Variants in FHIT observed in about 807,000 individuals in gnomAD.
FHIT encodes the protein fragile histidine triad diadenosine triphosphatase.
Under a neutral mutation model 17.9 loss-of-function variants are expected in FHIT, and 19 were observed. The ratio of observed to expected loss-of-function variants is 1.06; its 90% CI spans 0.74 to 1.56. The LOEUF is 1.56. FHIT is among the 40% of genes most tolerant of loss of function. FHIT has a pLI of 0.00. For missense variants in FHIT, 248 were observed against 189.2 expected, an observed-to-expected ratio of 1.31 and a Z score of -1.82; for synonymous variants, 81 against 69.7, an observed-to-expected ratio of 1.16 and a Z score of -0.81.
intron 8 of FHIT, among the ~76,000 whole-genome samples, chr3:59,783,455 G>T (rs527875217): frequency 6.6e-6 from 1 of 152,126 alleles, no homozygotes; most frequent in African/African-American, 2.4e-5. Flanking sequence ...GTGACAGAGC[G>T]AGACTTGATC....
chr3:60,352,030 T>A (rs940671307), intron 5 of FHIT, among the ~76,000 whole-genome samples: 1 of 152,326 alleles, frequency 6.6e-6, no homozygotes, highest in South Asian at 2.1e-4. Context: ...CCGGTGACTG[T>A]CTTATCCACT....
intron 4 of FHIT, among the ~76,000 whole-genome samples, chr3:60,716,070 T>G (rs2041675808): frequency 6.6e-6 from 1 of 152,086 alleles, no homozygotes. Context: ...TGCAAAACCC[T>G]GTCTTTACTA....
At chr3:60,485,439 G>A (rs2033796132) in intron 5 of FHIT, among the ~76,000 whole-genome samples, 1 of 152,166 alleles carries the variant, frequency 6.6e-6, no homozygotes, top group Admixed American at 6.6e-5. Context: ...TAAAGAAAAC[G>A]TGGTGCATAT....
chr3:60,994,787 C>T (rs2030530551), intron 3 of FHIT, among the ~76,000 whole-genome samples: 1 of 152,068 alleles, frequency 6.6e-6, no homozygotes, highest in Non-Finnish European at 1.5e-5. Flanking sequence ...GGTGAGAAAA[C>T]ACTAAAACCA....
At chr3:59,981,228 T>C (rs1708640176) in intron 7 of FHIT, among the ~76,000 whole-genome samples, 1 of 152,208 alleles carries the variant, frequency 6.6e-6, no homozygotes, top group South Asian at 2.1e-4. Flanking sequence ...AGATTATTCC[T>C]GAATCCAGAC....
chr3:60,747,249 C>T (rs2042377616), intron 4 of FHIT, among the ~76,000 whole-genome samples: 2 of 152,142 alleles, frequency 1.3e-5, no homozygotes, highest in East Asian at 1.9e-4. Flanking sequence ...TAATTCCTGC[C>T]ATTCCTCGGA....
rs531256660 is a variant in FHIT, at chr3:60,707,128, C to G, written c.-18+114791G>C. The stretch of plus-strand genomic sequence containing the variant: ...TCTGTAGGCATGACTGGCACCTCTG[C>G]GGTAAGTGGCAGGGAATGGAATAGG... On this transcript the variant is annotated intron_variant, in intron 4 of 9. Transcript: ENST00000492590. Among the ~76,000 whole-genome samples, 49 of 152,234 alleles carry G rather than the reference C, an allele frequency of 3.2e-4. No individual in the cohort carries two copies. In the East Asian group the frequency reaches 8.1e-3, roughly 25 times the overall value.
intron 5 of FHIT, among the ~76,000 whole-genome samples, chr3:60,157,865 C>A (rs1282448725): frequency 6.6e-6 from 1 of 152,026 alleles, no homozygotes; most frequent in Non-Finnish European, 1.5e-5. Context: ...CCCAGATCTT[C>A]TGAGCTTTTT....
At chr3:60,973,484 A>C (rs1710111409) in intron 3 of FHIT, among the ~76,000 whole-genome samples, 1 of 152,138 alleles carries the variant, frequency 6.6e-6, no homozygotes, top group Non-Finnish European at 1.5e-5. Context: ...TGTTGAACTT[A>C]CATCTCTGTG....
At chr3:60,856,505 G>A (rs1389541020) in intron 3 of FHIT, 4 of 152,146 alleles carry the variant, frequency 2.6e-5, no homozygotes, top group Admixed American at 2.6e-4. Context: ...GTGCTCGGGA[G>A]AGAACATTGC....
At chr3:60,859,291 T>C (rs782207688) in intron 3 of FHIT, among the ~76,000 whole-genome samples, 1 of 152,310 alleles carries the variant, frequency 6.6e-6, no homozygotes, top group Non-Finnish European at 1.5e-5. Flanking sequence ...GTCTCAGCTA[T>C]ATCAGGTAAA....
chr3:60,935,667 T>TCTC (rs1249548358), intron 3 of FHIT, among the ~76,000 whole-genome samples: 5 of 152,202 alleles, frequency 3.3e-5, no homozygotes, highest in South Asian at 2.1e-4. Flanking sequence ...CTCTTCTGAC[T>TCTC]CTAAGAAACT....
Position 60,799,263 on chromosome 3 carries a change from C to T in FHIT, c.-18+22656G>A, listed in dbSNP as rs142669211. Among the ~76,000 whole-genome samples, 239 of 152,280 alleles carry T rather than the reference C, an allele frequency of 1.6e-3. 2 individuals are homozygous for T. The highest frequency in any genetic ancestry group is 5.5e-3 in the African/African-American group (229 of 41,550). ...AATCTCGGCTCACTGCAACCTCCAC[C>T]TCCCAGGTTCAAGCGATTCTCCTGC... On this transcript the variant is annotated intron_variant, in intron 4 of 9. Transcript: ENST00000492590.
chr3:60,850,886 C>G (rs1482338139), intron 3 of FHIT, among the ~76,000 whole-genome samples: 2 of 152,072 alleles, frequency 1.3e-5, no homozygotes, highest in African/African-American at 2.4e-5. Context: ...TCAGTAAACC[C>G]TGGTATAAGG....
At chr3:60,163,736 A>T (rs1418579978) in intron 5 of FHIT, among the ~76,000 whole-genome samples, 2 of 152,102 alleles carry the variant, frequency 1.3e-5, no homozygotes, top group African/African-American at 4.8e-5. Flanking sequence ...AGCATCATGG[A>T]AAGTTTAGCA....
chr3:61,129,588 C>T (rs914523831), intron 2 of FHIT, among the ~76,000 whole-genome samples: 1 of 152,146 alleles, frequency 6.6e-6, no homozygotes, highest in African/African-American at 2.4e-5. Context: ...TCTCTGCTGC[C>T]TTAAAATCAC....
intron 5 of FHIT, among the ~76,000 whole-genome samples, chr3:60,375,408 T>TAA (rs144193166): frequency 3.5e-5 from 5 of 142,934 alleles, no homozygotes; most frequent in African/African-American, 1.3e-4. Context: ...ATCTCTACTT[T>TAA]AAAAAAAAAA....
At chr3:60,003,888 G>C (rs1436254530) in intron 7 of FHIT, among the ~76,000 whole-genome samples, 6 of 147,076 alleles carry the variant, frequency 4.1e-5, no homozygotes, top group Non-Finnish European at 7.4e-5. Flanking sequence ...AGAATTGACA[G>C]TTTGGCCAGC....
chr3:60,285,317 G>T (rs1362667754), intron 5 of FHIT, among the ~76,000 whole-genome samples: 1 of 151,932 alleles, frequency 6.6e-6, no homozygotes, highest in Non-Finnish European at 1.5e-5. Flanking sequence ...CTCAAGTAAG[G>T]CATAACCAGT....
Sources: gnomAD v4.1 joint callset for allele counts (sites outside exome capture counted in the v4.1 genomes callset) on GRCh38, gnomAD v4.1.1 for gene constraint, MANE v1.5 for transcripts, NCBI Gene and HGNC (gene_info 2026-07-23, HGNC 2026-07-21) for gene names.